Variants in LAMP3 observed in about 807,000 individuals in gnomAD.
LAMP3 encodes the protein lysosome associated membrane protein 3, also known as lysosome-associated membrane glycoprotein 3.
Under a neutral mutation model 34.8 loss-of-function variants are expected in LAMP3, and 26 were observed. The observed-to-expected ratio is 0.75, with a 90% CI of 0.55 to 1.04. The LOEUF (loss-of-function observed/expected upper bound fraction) is 1.04, where lower values mean the gene tolerates loss of function less well. Among genes scored for constraint, LAMP3 ranks in the 50% least tolerant of loss-of-function variants. The pLI, the probability that LAMP3 is intolerant of heterozygous loss-of-function variation, is 0.00. For missense variants in LAMP3, 495 were observed against 524.0 expected, an observed-to-expected ratio of 0.94 and a Z score of 0.54; for synonymous variants, 180 against 201.9, an observed-to-expected ratio of 0.89 and a Z score of 0.92.
chr3:183,158,879 T>G (rs1376708524), intron 1 of LAMP3, among the ~76,000 whole-genome samples: 1 of 34,366 alleles, frequency 2.9e-5, no homozygotes, highest in Non-Finnish European at 1.6e-4. Context: ...GTGACAAGTG[T>G]TTTTTTTTGT....
At chr3:183,125,359 A>T (rs560552640) in intron 5 of LAMP3, among the ~76,000 whole-genome samples, 19 of 152,362 alleles carry the variant, frequency 1.2e-4, no homozygotes, top group African/African-American at 3.8e-4. Context: ...AAGAGGTCAG[A>T]GAAGACAGAG....
chr3:183,150,064 C>T (rs1720583032), intron 3 of LAMP3, among the ~76,000 whole-genome samples: 1 of 152,140 alleles, frequency 6.6e-6, no homozygotes, highest in African/African-American at 2.4e-5. Context: ...TCAAGCAAAG[C>T]AGCTATTGCA....
chr3:183,144,805 T>C (rs1195719669), intron 3 of LAMP3, among the ~76,000 whole-genome samples: 1 of 152,172 alleles, frequency 6.6e-6, no homozygotes, highest in Non-Finnish European at 1.5e-5. Context: ...CTCAGGAGAC[T>C]GAGAGGTGGA....
chr3:183,154,931 T>C (rs1482456134), intron 1 of LAMP3, among the ~76,000 whole-genome samples: 3 of 151,088 alleles, frequency 2.0e-5, no homozygotes, highest in Non-Finnish European at 4.4e-5. Flanking sequence ...TTTTTCTTTT[T>C]TGAGACAGAG....
intron 1 of LAMP3, among the ~76,000 whole-genome samples, chr3:183,161,380 GTATTTT>G (rs1473260618): frequency 6.6e-6 from 1 of 151,762 alleles, no homozygotes; most frequent in Non-Finnish European, 1.5e-5. Context: ...AATACTCACT[GTATTTT>G]TATTTTTATT....
chr3:183,135,493 C>T lies in LAMP3; in HGVS notation c.1117+224G>A, dbSNP rs574622846. Among the ~76,000 whole-genome samples the T allele has an allele frequency of 4.2e-4, 64 of 152,232 alleles. 1 individual carries two copies. Among genetic ancestry groups the T allele is most frequent in the African/African-American group, 1.4e-3 (59 of 41,522 alleles). On this transcript the variant is annotated intron_variant, in intron 5 of 5. Transcript: ENST00000265598. ...TAAATGAGTAAGAATGTGCGTGAGT[C>T]GAAGAGAGTGCAACCCGCTGCGGGA...
At chr3:183,132,188 C>T (rs1719945390) in intron 5 of LAMP3, 11 of 985,080 alleles carry the variant, frequency 1.1e-5, no homozygotes, top group African/African-American at 1.7e-5. Flanking sequence ...TCCTTTTTTG[C>T]CATGATCTTT....
chr3:183,154,789 A>G (rs562113627), intron 1 of LAMP3, among the ~76,000 whole-genome samples: 30 of 152,358 alleles, frequency 2.0e-4, no homozygotes, highest in African/African-American at 7.0e-4. Flanking sequence ...CAGCTGCTGT[A>G]TGACCTGATA....
At chr3:183,159,198 G>A (rs960571931) in intron 1 of LAMP3, among the ~76,000 whole-genome samples, 4 of 152,328 alleles carry the variant, frequency 2.6e-5, no homozygotes, top group Non-Finnish European at 5.9e-5. Flanking sequence ...CGACTGACAA[G>A]TGTCTTTATC....
intron 3 of LAMP3, among the ~76,000 whole-genome samples, chr3:183,150,262 TG>T (rs1720589702): frequency 6.6e-6 from 1 of 152,162 alleles, no homozygotes; most frequent in African/African-American, 2.4e-5. Context: ...ACTCAACACT[TG>T]GGTGGAGTTT....
At chr3:183,146,684 C>T (rs139987763) in intron 3 of LAMP3, among the ~76,000 whole-genome samples, 284 of 151,930 alleles carry the variant, frequency 1.9e-3, no homozygotes, top group African/African-American at 5.3e-3. Context: ...TGCGCCACCA[C>T]GTCCAGCTAA....
At chr3:183,133,899 TC>T (rs1720001646) in intron 5 of LAMP3, among the ~76,000 whole-genome samples, 1 of 152,168 alleles carries the variant, frequency 6.6e-6, no homozygotes, top group South Asian at 2.1e-4. Flanking sequence ...AGTTCTTCGA[TC>T]CCCTGTTTAA....
At chr3:183,152,302 C>G in intron 3 of LAMP3, 73 bp downstream of exon 3, 1 of 1,477,968 alleles carries the variant, frequency 6.8e-7, no homozygotes, top group Non-Finnish European at 9.0e-7. Context: ...TGGGGTTGCA[C>G]CACCTGGCCC....
intron 1 of LAMP3, 125 bp downstream of exon 1, chr3:183,162,482 C>T (rs571645908): frequency 2.1e-4 from 198 of 922,690 alleles, no homozygotes; most frequent in Admixed American, 5.2e-4. Flanking sequence ...AGCTGGGAAG[C>T]CCTTGGACGC....
intron 1 of LAMP3, among the ~76,000 whole-genome samples, chr3:183,160,398 T>C (rs1469980788): frequency 2.0e-5 from 3 of 152,150 alleles, no homozygotes; most frequent in African/African-American, 7.2e-5. Flanking sequence ...AGACTTCGTT[T>C]TTGTTTTGTT....
At chr3:183,156,383 A>AAC (rs765559237) in intron 1 of LAMP3, among the ~76,000 whole-genome samples, 1 of 151,848 alleles carries the variant, frequency 6.6e-6, no homozygotes, top group Admixed American at 6.6e-5. Context: ...CAACAACAAC[A>AAC]AACAGACGAT....
intron 3 of LAMP3, among the ~76,000 whole-genome samples, chr3:183,150,565 C>CTTTTTTTTTTTTTTTT (rs10665288): frequency 8.1e-5 from 7 of 86,092 alleles, no homozygotes; most frequent in African/African-American, 3.0e-4. Context: ...GCCAAAGTGA[C>CTTTTTTTTTTTTTTTT]TTTTTTTTTT....
intron 4 of LAMP3, among the ~76,000 whole-genome samples, 189 bp downstream of exon 4, chr3:183,140,349 G>A (rs1250906898): frequency 6.7e-6 from 1 of 149,084 alleles, no homozygotes; most frequent in Non-Finnish European, 1.5e-5. Context: ...AGAGGTTGCA[G>A]GGAGCCGAGC....
At chr3:183,138,890 C>T (rs1239647438) in intron 4 of LAMP3, among the ~76,000 whole-genome samples, 1 of 152,114 alleles carries the variant, frequency 6.6e-6, no homozygotes, top group African/African-American at 2.4e-5. Context: ...CATTAGCCAG[C>T]TCACCCCTTA....
Sources: allele counts gnomAD v4.1 joint callset (sites outside exome capture counted in the v4.1 genomes callset), GRCh38; gene constraint gnomAD v4.1.1; transcripts MANE v1.5; gene names NCBI Gene and HGNC (gene_info 2026-07-23, HGNC 2026-07-21).